The following HYDIN variants were observed in gnomAD, a reference collection of about 807,000 sequenced individuals.
HYDIN encodes the protein HYDIN axonemal central pair apparatus protein.
Under a neutral mutation model 403.9 loss-of-function variants are expected in HYDIN, and 132 were observed. That is an observed-to-expected ratio of 0.33 (90% CI 0.28 to 0.38). The LOEUF (loss-of-function observed/expected upper bound fraction) is 0.38, where lower values mean the gene tolerates loss of function less well. HYDIN is among the 10% of genes least tolerant of loss of function. The pLI is 1.00. For synonymous variants in HYDIN, 1,202 were observed against 1,891.7 expected (o/e 0.64, Z 9.46); for missense variants, 2,827 against 5,009.5 (o/e 0.56, Z 13.15).
intron 20 of HYDIN, among the ~76,000 whole-genome samples, chr16:71,026,895 A>G (rs921354107): frequency 6.6e-6 from 1 of 152,050 alleles, no homozygotes; most frequent in Non-Finnish European, 1.5e-5. Flanking sequence ...CACAAGCAGG[A>G]TCTTAAGCAA....
rs376743424 is a variant in HYDIN at position 70,872,080 on chromosome 16, C to T, written c.11048G>A (p.Arg3683Gln). ...TGTAGCTGAAACAGGCCATTCAAAC[C>T]GTATCAAGTTCACTTGGCTGTGATT... ...VTNHSQVNLI[R>Q]FEWPVSATIA... is the part of the protein sequence containing the mutation. Residue 3683 changes from arginine (R) to glutamine (Q), a missense_variant, in exon 65 of 86, where the codon CGG (arginine) becomes CAG (glutamine). Coordinates refer to ENST00000393567, the MANE Select transcript of HYDIN (RefSeq NM_001270974.2). The T allele has an allele frequency of 2.5e-5, 39 of 1,562,644 alleles. No homozygotes were observed. Among genetic ancestry groups the T allele is most frequent in the Admixed American group, 3.9e-5 (2 of 51,656 alleles).
chr16:71,059,062 C>T (rs945629513), intron 18 of HYDIN, among the ~76,000 whole-genome samples: 2 of 152,198 alleles, frequency 1.3e-5, no homozygotes, highest in African/African-American at 4.8e-5. Context: ...GGAAAGGCTT[C>T]TGGTCAACAG....
intron 18 of HYDIN, among the ~76,000 whole-genome samples, chr16:71,042,921 G>C (rs1437387746): frequency 6.6e-6 from 1 of 151,460 alleles, no homozygotes; most frequent in Non-Finnish European, 1.5e-5. Context: ...TCCTGTGTTT[G>C]AGCCCCTGTT....
intron 73 of HYDIN, among the ~76,000 whole-genome samples, chr16:70,851,268 TACAA>T (rs1171933845): frequency 2.6e-5 from 3 of 114,342 alleles, no homozygotes; most frequent in Non-Finnish European, 5.6e-5. Flanking sequence ...CAAAAGAAAC[TACAA>T]ACAGAGAAAA....
In HYDIN at chr16:70,860,120, G is replaced by A. The variant is rs2039313634; in HGVS notation, c.12077C>T (p.Ala4026Val). Residue 4026 changes from alanine to valine, a missense_variant, in exon 71 of 86, where the codon GCA becomes GTA. Ala to Val is a moderately conservative substitution (Grantham distance 64). Transcript: ENST00000393567. ...GCCCTTTTCTGTAAGGCATGTGAAT[G>A]CTGCAGGGTTCTGGAGACTTTCAAT... The part of the protein sequence containing the change: ...EEIESLQNPA[A>V]FTCLTEKGFI... 23 of 1,612,404 alleles carry A rather than the reference G, an allele frequency of 1.4e-5. No homozygotes were observed. The highest frequency in any genetic ancestry group is 2.2e-5 in the East Asian group (1 of 44,886).
At chr16:71,006,705 C>A (rs1236630662) in intron 23 of HYDIN, among the ~76,000 whole-genome samples, 1 of 151,716 alleles carries the variant, frequency 6.6e-6, no homozygotes, top group African/African-American at 2.4e-5. Flanking sequence ...GAGGATCCTT[C>A]CCTCCACCCT....
rs1292034351 is a variant in HYDIN, at chr16:70,992,057, G to C, written c.3785+13C>G. 1 of 1,613,480 alleles carries C rather than the reference G, an allele frequency of 6.2e-7. No individual in the cohort carries two copies. Among genetic ancestry groups the C allele is most frequent in the Non-Finnish European group, 8.5e-7 (1 of 1,179,834 alleles). On this transcript the variant is annotated intron_variant, in intron 24 of 85. Coordinates refer to ENST00000393567, the MANE Select transcript of HYDIN (RefSeq NM_001270974.2). ...AAGCTACTACAAATAATCTATGTTG[G>C]CTTTGCACTTACTTAACAAAATCAT...
At chr16:70,931,210 GTTTTT>G (rs71387550) in intron 45 of HYDIN, among the ~76,000 whole-genome samples, 111 of 59,448 alleles carry the variant, frequency 1.9e-3, no homozygotes, top group Non-Finnish European at 2.9e-3. Flanking sequence ...TCTTTCTTCT[GTTTTT>G]TTTTTTTTTT....
intron 60 of HYDIN, 84 bp from the exon 61 acceptor site, chr16:70,879,840 C>T: frequency 1.8e-6 from 1 of 561,082 alleles, no homozygotes; most frequent in Non-Finnish European, 3.0e-6. Flanking sequence ...AGTCCCCCAC[C>T]TCTCATCTAA....
rs1305834592 is a variant in HYDIN, at chr16:70,892,505, A to C, written c.9273T>G (p.Ile3091Met). The part of the protein sequence containing the change: ...AFSFSVDSVG[I>M]STPNINSMIS... ...TCATGGAATTTATATTAGGTGTTGA[A>C]ATCCCTACAGAGTCCACGGAAAAGC... is the stretch of plus-strand genomic sequence containing the variant. The change falls in exon 56 of 86, where the codon ATT becomes ATG. Residue 3091 changes from isoleucine (I) to methionine (M), a missense_variant. By Grantham distance (10) the Ile-to-Met change is conservative. Transcript: ENST00000393567. The C allele has an allele frequency of 6.2e-7, 1 of 1,604,166 alleles. No homozygotes were observed. Among genetic ancestry groups the C allele is most frequent in the Non-Finnish European group, 8.5e-7 (1 of 1,176,202 alleles).
At chr16:71,213,506 G>A (rs1258011667) in intron 1 of HYDIN, among the ~76,000 whole-genome samples, 1 of 152,014 alleles carries the variant, frequency 6.6e-6, no homozygotes, top group Admixed American at 6.6e-5. Flanking sequence ...TCTTAAGGAA[G>A]TACTAAATTA....
At chr16:71,133,666 T>C (rs1259661311) in intron 8 of HYDIN, among the ~76,000 whole-genome samples, 4 of 152,002 alleles carry the variant, frequency 2.6e-5, no homozygotes, top group South Asian at 2.1e-4. Flanking sequence ...GCTGGGGAAA[T>C]GGGGAGCAAA....
chr16:70,840,768 A>G (rs1457256780), intron 75 of HYDIN, among the ~76,000 whole-genome samples: 2 of 152,034 alleles, frequency 1.3e-5, no homozygotes, highest in Non-Finnish European at 2.9e-5. Context: ...GATGTCAGGT[A>G]GAATGGTCAT....
At chr16:71,152,630 T>C (rs1279323981) in intron 7 of HYDIN, 29 bp downstream of exon 7, 4 of 722,256 alleles carry the variant, frequency 5.5e-6, no homozygotes, top group Admixed American at 5.5e-5. Flanking sequence ...TCTTAATATG[T>C]AGAACTTTTA....
intron 1 of HYDIN, 74 bp downstream of exon 1, chr16:71,230,488 A>C: frequency 6.9e-7 from 1 of 1,453,220 alleles, no homozygotes; most frequent in Non-Finnish European, 9.1e-7. Context: ...GACGAGGACG[A>C]AAAGAGGGGA....
intron 63 of HYDIN, 85 bp downstream of exon 63, chr16:70,874,732 C>T: frequency 1.4e-6 from 2 of 1,467,868 alleles, no homozygotes; most frequent in Non-Finnish European, 9.0e-7. Context: ...ACTGGGCATT[C>T]CCCTCTGGCT....
chr16:70,968,522 G>A (rs1421044792), intron 36 of HYDIN, among the ~76,000 whole-genome samples: 1 of 151,872 alleles, frequency 6.6e-6, no homozygotes, highest in Non-Finnish European at 1.5e-5. Flanking sequence ...GAGGCCTTGC[G>A]GAGAGCCAGA....
intron 14 of HYDIN, 33 bp downstream of exon 14, chr16:71,069,234 T>C (rs2082374339): frequency 1.3e-6 from 2 of 1,559,340 alleles, no homozygotes; most frequent in Non-Finnish European, 1.8e-6. Context: ...CTCAGCTGCT[T>C]AGCTGTGTGT....
chr16:70,841,182 T>A (rs1323863402), intron 75 of HYDIN, among the ~76,000 whole-genome samples: 2 of 152,198 alleles, frequency 1.3e-5, no homozygotes, highest in African/African-American at 4.8e-5. Flanking sequence ...CAGGGGTACA[T>A]GTGCAGGATA....
Sources: allele counts gnomAD v4.1 joint callset (sites outside exome capture counted in the v4.1 genomes callset), GRCh38; gene constraint gnomAD v4.1.1; transcripts MANE v1.5; gene names NCBI Gene and HGNC (gene_info 2026-07-23, HGNC 2026-07-21).